PAPSS1: variants seen among roughly 807,000 people sequenced by gnomAD.
PAPSS1 encodes bifunctional 3'-phosphoadenosine 5'-phosphosulfate synthase 1.
Under a neutral mutation model 72.0 loss-of-function variants are expected in PAPSS1, and 50 were observed. The observed-to-expected ratio is 0.69, with a 90% CI of 0.55 to 0.88. PAPSS1 has a LOEUF of 0.88. Among genes scored for constraint, PAPSS1 ranks in the 40% least tolerant of loss-of-function variants. The pLI is 0.00. For missense variants in PAPSS1, 657 were observed against 782.2 expected (o/e 0.84, Z 1.91); for synonymous variants, 261 against 263.6 (o/e 0.99, Z 0.09).
intron 5 of PAPSS1, among the ~76,000 whole-genome samples, chr4:107,662,766 T>C (rs866724740): frequency 3.3e-5 from 5 of 152,286 alleles, no homozygotes; most frequent in Middle Eastern, 3.4e-3. Context: ...CAGATATGGT[T>C]ATCACTGTCA....
chr4:107,680,556 C>T (rs900083604), intron 5 of PAPSS1, among the ~76,000 whole-genome samples: 6 of 152,200 alleles, frequency 3.9e-5, no homozygotes, highest in South Asian at 2.1e-4. Context: ...TTCTAACACA[C>T]TTCCTAGGAG....
At chr4:107,625,160 AAATCT>A (rs1726058390) in intron 11 of PAPSS1, among the ~76,000 whole-genome samples, 1 of 152,142 alleles carries the variant, frequency 6.6e-6, no homozygotes, top group African/African-American at 2.4e-5. Flanking sequence ...AAGAAGCAAG[AAATCT>A]AAGTAGAAAT....
chr4:107,627,694 G>A (rs2726677), intron 11 of PAPSS1, among the ~76,000 whole-genome samples: 95,333 of 151,966 alleles, frequency 0.63, 30,517 homozygotes, highest in African/African-American at 0.76. Context: ...TTGTGGTAAA[G>A]CAGTTCAAGG....
At chr4:107,665,927 A>T (rs544422665) in intron 5 of PAPSS1, among the ~76,000 whole-genome samples, 1 of 152,308 alleles carries the variant, frequency 6.6e-6, no homozygotes, top group African/African-American at 2.4e-5. Context: ...TGAACATGTT[A>T]ATACAATGAT....
intron 1 of PAPSS1, among the ~76,000 whole-genome samples, chr4:107,704,329 TTTTA>T (rs1365521610): frequency 6.6e-6 from 1 of 152,224 alleles, no homozygotes; most frequent in African/African-American, 2.4e-5. Flanking sequence ...TTTGGATGCC[TTTTA>T]TTTATTTCTC....
At chr4:107,674,100 A>G (rs1727573335) in intron 5 of PAPSS1, among the ~76,000 whole-genome samples, 2 of 152,122 alleles carry the variant, frequency 1.3e-5, no homozygotes, top group South Asian at 4.1e-4. Context: ...AATGTGACAA[A>G]TTGTAAAGAC....
At chr4:107,698,527 G>T (rs1267039980) in intron 2 of PAPSS1, among the ~76,000 whole-genome samples, 1 of 152,148 alleles carries the variant, frequency 6.6e-6, no homozygotes, top group Non-Finnish European at 1.5e-5. Context: ...GGATCCGTGA[G>T]GGGAGGACAG....
intron 9 of PAPSS1, among the ~76,000 whole-genome samples, chr4:107,652,813 AC>A (rs1726883104): frequency 6.6e-6 from 1 of 152,168 alleles, no homozygotes; most frequent in Admixed American, 6.5e-5. Context: ...AAAAATTTGT[AC>A]CCAAAGACAG....
intron 5 of PAPSS1, among the ~76,000 whole-genome samples, chr4:107,676,510 A>C (rs1727654930): frequency 6.6e-6 from 1 of 152,240 alleles, no homozygotes; most frequent in Admixed American, 6.5e-5. Context: ...GAGAACTATA[A>C]ACCACTGCTC....
At chr4:107,643,741 A>G (rs182988475) in intron 10 of PAPSS1, among the ~76,000 whole-genome samples, 12 of 152,290 alleles carry the variant, frequency 7.9e-5, no homozygotes, top group African/African-American at 2.2e-4. Context: ...TTTAATCTGG[A>G]AGCTGATTGT....
intron 5 of PAPSS1, among the ~76,000 whole-genome samples, chr4:107,662,879 A>G (rs1727221820): frequency 6.6e-6 from 1 of 152,306 alleles, no homozygotes; most frequent in East Asian, 1.9e-4. Flanking sequence ...TCAAGTAGAA[A>G]ATAAAAGTTC....
chr4:107,683,789 C>G (rs1054272800), intron 4 of PAPSS1, among the ~76,000 whole-genome samples: 1 of 152,078 alleles, frequency 6.6e-6, no homozygotes, highest in Non-Finnish European at 1.5e-5. Context: ...CCTGAGGCCC[C>G]CTGAATATAC....
At chr4:107,701,777 A>T (rs1417003657) in intron 1 of PAPSS1, among the ~76,000 whole-genome samples, 1 of 152,224 alleles carries the variant, frequency 6.6e-6, no homozygotes, top group African/African-American at 2.4e-5. Context: ...AGTGCACTGT[A>T]GAAAAATAAC....
intron 1 of PAPSS1, among the ~76,000 whole-genome samples, chr4:107,710,869 C>A (rs550415526): frequency 9.0e-4 from 137 of 152,358 alleles, no homozygotes; most frequent in African/African-American, 3.2e-3. Context: ...GCAATTATAT[C>A]TTTTACAGAC....
At position 107,663,556 on chromosome 4, in the gene PAPSS1, A is replaced by G. The variant is rs374764676; in HGVS notation, c.670-3484T>C. On this transcript the variant is annotated intron_variant, in intron 5 of 11. Coordinates refer to ENST00000265174, the MANE Select transcript of PAPSS1 (RefSeq NM_005443.5). ...AATCTTCACACAGTCCTACTAATGAAGGCAGAAGAAACTACTGCTATCCCT... is the reference window on the plus strand; with the variant it reads ...AATCTTCACACAGTCCTACTAATGAGGGCAGAAGAAACTACTGCTATCCCT... Among the ~76,000 whole-genome samples, 10 of 152,342 alleles carry G rather than the reference A, an allele frequency of 6.6e-5. No individual in the cohort carries two copies. The South Asian group carries it at 1.4e-3, about 22-fold the overall frequency.
intron 11 of PAPSS1, among the ~76,000 whole-genome samples, chr4:107,619,486 G>C (rs898363189): frequency 6.6e-6 from 1 of 152,120 alleles, no homozygotes; most frequent in Non-Finnish European, 1.5e-5. Flanking sequence ...TAGGTTCAAG[G>C]AGTGGACACA....
At chr4:107,640,345 T>G (rs1386018816) in intron 10 of PAPSS1, among the ~76,000 whole-genome samples, 1 of 152,186 alleles carries the variant, frequency 6.6e-6, no homozygotes, top group African/African-American at 2.4e-5. Context: ...ATCAGGAACA[T>G]CCTGTTGATA....
chr4:107,647,312 G>A (rs1473155750), intron 9 of PAPSS1, among the ~76,000 whole-genome samples: 1 of 152,220 alleles, frequency 6.6e-6, no homozygotes, highest in African/African-American at 2.4e-5. Flanking sequence ...GTGGAGGACA[G>A]AGTGAGGGAA....
rs1026491798 is a variant in PAPSS1, at chr4:107,616,932, C to T, written c.1737-2545G>A. ...GTTTCAGCATGCCCTTCATAATGAT[C>T]TCATCAATAATCCTCTTCAGATCTG... On this transcript the variant is annotated intron_variant, in intron 11 of 11. Coordinates refer to ENST00000265174, the MANE Select transcript of PAPSS1 (RefSeq NM_005443.5). Among the ~76,000 whole-genome samples, 3 of 152,158 alleles carry T rather than the reference C, an allele frequency of 2.0e-5. 1 individual carries two copies. In the South Asian group the frequency reaches 6.2e-4, roughly 32 times the overall value.
Sources: allele counts gnomAD v4.1 joint callset (sites outside exome capture counted in the v4.1 genomes callset), GRCh38; gene constraint gnomAD v4.1.1; transcripts MANE v1.5; gene names NCBI Gene and HGNC (gene_info 2026-07-23, HGNC 2026-07-21).